Variants in RECQL5 observed in about 807,000 individuals in gnomAD.
RECQL5 encodes the protein ATP-dependent DNA helicase Q5.
A neutral mutation model predicts 103.4 loss-of-function variants in RECQL5; 88 were observed. The observed-to-expected ratio is 0.85, with a 90% CI of 0.72 to 1.02. The LOEUF (loss-of-function observed/expected upper bound fraction) is 1.02. Among genes scored for constraint, RECQL5 ranks in the 50% least tolerant of loss-of-function variants. The pLI, the probability that RECQL5 is intolerant of heterozygous loss-of-function variation, is 0.00. For missense variants in RECQL5, 1,232 were observed against 1,284.3 expected (o/e 0.96, Z 0.62); for synonymous variants, 552 against 507.9 (o/e 1.09, Z -1.17).
Position 75,654,989 on chromosome 17 carries a change from T to C in RECQL5, c.1149+3309A>G, listed in dbSNP as rs536976415. On this transcript the variant is annotated intron_variant, in intron 7 of 19. Coordinates refer to ENST00000317905, the MANE Select transcript of RECQL5 (RefSeq NM_004259.7). Reference sequence around the variant, plus strand: ...TAAATATTTTGTAGAGATAAAGTCTTGTTACATTGCCCAAACTACTCAAAC... The same window carrying C: ...TAAATATTTTGTAGAGATAAAGTCTCGTTACATTGCCCAAACTACTCAAAC... Among the ~76,000 whole-genome samples the C allele has an allele frequency of 3.5e-4, 53 of 152,196 alleles. 1 individual carries two copies. In the South Asian group the frequency reaches 5.0e-3, roughly 14 times the overall value.
At position 75,631,119 on chromosome 17, in the gene RECQL5, C is replaced by T. The variant is rs201566064; in HGVS notation, c.1548+31G>A. 3,640 of 1,611,794 alleles carry T rather than the reference C, an allele frequency of 2.3e-3. 11 individuals carry two copies. The highest frequency in any genetic ancestry group is 2.7e-3 in the Non-Finnish European group (3,200 of 1,178,284). ...GTGCGAGCAGGGGGCCACCAGGGGC[C>T]CCACACAGGCCACTGAGTGCCTCCC... On this transcript the variant is annotated intron_variant, in intron 10 of 19. Transcript: ENST00000317905.
rs745439271 is a variant in RECQL5 at position 75,666,594 on chromosome 17, G to C, written c.-14-23C>G. 2.5e-6 allele frequency: 4 copies of C among 1,598,584 alleles called. No homozygotes were observed. The Admixed American group carries it at 7.1e-5, about 28-fold the overall frequency. On this transcript the variant is annotated intron_variant, in intron 1 of 19. Coordinates refer to ENST00000317905, the MANE Select transcript of RECQL5 (RefSeq NM_004259.7). ...ACAGTGGCCAAAGGTTAAGGCAAAG[G>C]TAGTAAAAGGTTGCCACGAGAACCC...
chr17:75,635,279 G>A (rs1392723342), intron 8 of RECQL5, among the ~76,000 whole-genome samples: 1 of 152,142 alleles, frequency 6.6e-6, no homozygotes, highest in Non-Finnish European at 1.5e-5. Context: ...AGGCCAGGTC[G>A]GGGTCGGGGC....
intron 8 of RECQL5, among the ~76,000 whole-genome samples, chr17:75,645,962 A>C (rs1429185637): frequency 2.6e-5 from 4 of 152,166 alleles, no homozygotes; most frequent in African/African-American, 7.2e-5. Flanking sequence ...TGATCTCACA[A>C]CTGGACACAC....
intron 8 of RECQL5, chr17:75,647,617 C>T: frequency 6.6e-7 from 1 of 1,522,690 alleles, no homozygotes. Flanking sequence ...CTGACCTGCC[C>T]CCATTCCAGT....
At position 75,628,307 on chromosome 17, in the gene RECQL5, A is replaced by T; in HGVS notation, c.2716T>A (p.Ser906Thr). The T allele has an allele frequency of 6.2e-7, 1 of 1,614,158 alleles. No homozygotes were observed. Among genetic ancestry groups the T allele is most frequent in the East Asian group, 2.2e-5 (1 of 44,882 alleles). ...TCCTTCAAGGAGACGCCAGGAGCGG[A>T]GAGCTGGAAGGGGTCTTGAGCCGTG... ...NPTAQDPFQL[S>T]APGVSLKEAA... The change falls in exon 18 of 20, where the codon TCC becomes ACC. Residue 906 changes from serine (S) to threonine (T), a missense_variant. Coordinates refer to ENST00000317905, the MANE Select transcript of RECQL5 (RefSeq NM_004259.7).
intron 3 of RECQL5, 88 bp downstream of exon 3, chr17:75,664,963 A>G: frequency 6.9e-7 from 1 of 1,448,438 alleles, no homozygotes; most frequent in Non-Finnish European, 9.0e-7. Context: ...ATAAGAGGCA[A>G]AAGACCAATA....
chr17:75,647,281 C>T, intron 8 of RECQL5: 9 of 1,147,834 alleles, frequency 7.8e-6, no homozygotes, highest in Non-Finnish European at 9.7e-6. Flanking sequence ...GAGGCTGCTA[C>T]AGAGGCTGGA....
intron 7 of RECQL5, among the ~76,000 whole-genome samples, chr17:75,651,987 G>C (rs1001433819): frequency 6.6e-6 from 1 of 152,178 alleles, no homozygotes; most frequent in Admixed American, 6.6e-5. Flanking sequence ...AGCACTTTGG[G>C]AGACTGAGGT....
intron 12 of RECQL5, 34 bp downstream of exon 12, chr17:75,630,745 C>T (rs758703931): frequency 1.3e-6 from 2 of 1,595,934 alleles, no homozygotes; most frequent in Non-Finnish European, 1.7e-6. Flanking sequence ...GGGGAGGGCC[C>T]CGGCGGGTGG....
At chr17:75,653,632 C>T (rs1175025153) in intron 7 of RECQL5, among the ~76,000 whole-genome samples, 1 of 152,204 alleles carries the variant, frequency 6.6e-6, no homozygotes, top group Non-Finnish European at 1.5e-5. Flanking sequence ...GGCATGGTGG[C>T]TTATGCCTGT....
At position 75,631,496 on chromosome 17, in the gene RECQL5, G is replaced by A. The variant is rs761636295; in HGVS notation, c.1402C>T (p.Pro468Ser). 6 of 1,613,284 alleles carry A rather than the reference G, an allele frequency of 3.7e-6. No homozygotes were observed. Among genetic ancestry groups the A allele is most frequent in the Non-Finnish European group, 5.1e-6 (6 of 1,179,980 alleles). The change falls in exon 9 of 20, where the codon CCC becomes TCC. Residue 468 changes from proline (P) to serine (S), a missense_variant. Physicochemically the swap from Pro to Ser is moderately conservative, Grantham distance 74 (BLOSUM62 -1). Coordinates refer to ENST00000317905, the MANE Select transcript of RECQL5 (RefSeq NM_004259.7). ...IGPSQGNGFD[P>S]ELYEGGRKGY... Reference sequence around the variant, plus strand: ...TTGCGGCCTCCCTCATACAGCTCGGGGTCAAAGCCGTTCCCCTGGGAGGGC... The same window carrying A: ...TTGCGGCCTCCCTCATACAGCTCGGAGTCAAAGCCGTTCCCCTGGGAGGGC...
rs761958492 is a variant in RECQL5 at position 75,657,269 on chromosome 17, C to CA, written c.1149+1028dup. Among the ~76,000 whole-genome samples the CA allele has an allele frequency of 1.6e-4, 25 of 152,240 alleles. 1 individual carries two copies. Among genetic ancestry groups the CA allele is most frequent in the Admixed American group, 3.9e-4 (6 of 15,300 alleles). ...GTGCAGTGGCACATGCCTCTGGTCC[C>CA]AGCGACTTGAGAGGCAGAGGCAGGA... On this transcript the variant is annotated intron_variant, in intron 7 of 19. Transcript: ENST00000317905.
intron 16 of RECQL5, 75 bp from the exon 17 acceptor site, chr17:75,628,837 C>G (rs1414014975): frequency 6.2e-7 from 1 of 1,600,150 alleles, no homozygotes. Context: ...TAGGAGAGCC[C>G]ATCTCAGGGG....
chr17:75,663,808 G>A (rs1201531525), intron 3 of RECQL5, among the ~76,000 whole-genome samples: 12 of 152,008 alleles, frequency 7.9e-5, no homozygotes, highest in Non-Finnish European at 1.0e-4. Flanking sequence ...TAATTCCAGC[G>A]CTTTGAGAGG....
chr17:75,633,507 G>T (rs767212672), intron 8 of RECQL5: 1 of 1,288,636 alleles, frequency 7.8e-7, no homozygotes, highest in South Asian at 1.2e-5. Context: ...CCACTCCCAG[G>T]TCACTCAGGA....
intron 7 of RECQL5, among the ~76,000 whole-genome samples, chr17:75,652,895 C>G (rs2059573071): frequency 6.6e-6 from 1 of 152,244 alleles, no homozygotes; most frequent in African/African-American, 2.4e-5. Context: ...AAGCCCCTCT[C>G]ACAAAATCCA....
chr17:75,628,068 A>G (rs1238879993), intron 18 of RECQL5, 150 bp downstream of exon 18: 2 of 693,098 alleles, frequency 2.9e-6, no homozygotes, highest in Admixed American at 4.6e-5. Flanking sequence ...CACGGCCATG[A>G]CCCAACGGCA....
chr17:75,645,024 G>A (rs1172553724), intron 8 of RECQL5, among the ~76,000 whole-genome samples: 1 of 152,062 alleles, frequency 6.6e-6, no homozygotes, highest in Non-Finnish European at 1.5e-5. Context: ...TTGCCAACCA[G>A]AGCTCCTGGA....
Sources: allele counts gnomAD v4.1 joint callset (sites outside exome capture counted in the v4.1 genomes callset), GRCh38; gene constraint gnomAD v4.1.1; transcripts MANE v1.5; gene names NCBI Gene and HGNC (gene_info 2026-07-23, HGNC 2026-07-21).